The following SPATA13 variants were observed in gnomAD, a reference collection of about 807,000 sequenced individuals.
SPATA13 encodes the protein spermatogenesis-associated protein 13.
Under a neutral mutation model 104.0 loss-of-function variants are expected in SPATA13, and 50 were observed. That is an observed-to-expected ratio of 0.48 (90% CI 0.38 to 0.61). SPATA13 has a LOEUF of 0.61. Among genes scored for constraint, SPATA13 ranks in the 20% least tolerant of loss-of-function variants. The pLI is 0.00. For synonymous variants in SPATA13, 606 were observed against 667.5 expected, an observed-to-expected ratio of 0.91 and a Z score of 1.42; for missense variants, 1,524 against 1,690.6, an observed-to-expected ratio of 0.90 and a Z score of 1.73.
chr13:24,293,262 C>CA (rs1566199190), intron 9 of SPATA13, among the ~76,000 whole-genome samples: 1 of 148,614 alleles, frequency 6.7e-6, no homozygotes, highest in Non-Finnish European at 1.5e-5. Context: ...AAGAGAGCCA[C>CA]AAAATTGAAG....
chr13:24,268,848 G>T (rs1874413786), intron 4 of SPATA13, among the ~76,000 whole-genome samples: 1 of 152,186 alleles, frequency 6.6e-6, no homozygotes, highest in Admixed American at 6.5e-5. Flanking sequence ...CACTTGTAGT[G>T]CGGGTTACTA....
intron 3 of SPATA13, among the ~76,000 whole-genome samples, chr13:24,092,808 G>A (rs79102548): frequency 1.3e-5 from 2 of 152,338 alleles, no homozygotes; most frequent in South Asian, 4.1e-4. Flanking sequence ...GCATCTGTAT[G>A]TGGAGCTTTT....
Position 24,207,579 on chromosome 13 carries a change from C to G in SPATA13, c.-111-15240C>G, listed in dbSNP as rs780437527. Among the ~76,000 whole-genome samples the G allele has an allele frequency of 3.9e-5, 6 of 152,202 alleles. No individual in the cohort carries two copies. In the South Asian group the frequency reaches 1.2e-3, roughly 32 times the overall value. On this transcript the variant is annotated intron_variant, in intron 1 of 12. Coordinates refer to ENST00000382108, the MANE Select transcript of SPATA13 (RefSeq NM_001166271.3). ...CCGGGTTCGTTTCTCCACATCCCTA[C>G]CAGCACTTGTTATTTTCTGTTTTTT... is the stretch of plus-strand genomic sequence containing the variant.
At chr13:24,072,812 C>A (rs2137768029) in intron 3 of SPATA13, among the ~76,000 whole-genome samples, 1 of 127,914 alleles carries the variant, frequency 7.8e-6, no homozygotes, top group East Asian at 2.3e-4. Flanking sequence ...TCCTCAGTGT[C>A]TACTGTTGGC....
intron 3 of SPATA13, chr13:24,122,775 A>G (rs1398333145): frequency 2.5e-6 from 2 of 790,648 alleles, no homozygotes; most frequent in Admixed American, 3.4e-5. Context: ...TACAAGGGGA[A>G]GTAGCTGCCA....
intron 3 of SPATA13, among the ~76,000 whole-genome samples, chr13:24,043,773 C>T (rs1408570781): frequency 6.6e-6 from 1 of 152,084 alleles, no homozygotes; most frequent in Non-Finnish European, 1.5e-5. Context: ...CATGTTTTCC[C>T]GATTCTGTGC....
chr13:24,197,903 T>G (rs1870158249), intron 1 of SPATA13, among the ~76,000 whole-genome samples: 1 of 152,120 alleles, frequency 6.6e-6, no homozygotes, highest in African/African-American at 2.4e-5. Context: ...TAGGATGAAG[T>G]CCCCCAAGAA....
intron 2 of SPATA13, among the ~76,000 whole-genome samples, chr13:23,989,669 A>C: frequency 6.6e-6 from 1 of 151,568 alleles, no homozygotes; most frequent in South Asian, 2.1e-4. Flanking sequence ...ATACCTATCT[A>C]CTCTTTTCTG....
intron 2 of SPATA13, among the ~76,000 whole-genome samples, chr13:24,004,632 C>T (rs1876138007): frequency 6.6e-6 from 1 of 152,122 alleles, no homozygotes; most frequent in Non-Finnish European, 1.5e-5. Context: ...CCCAGGAAGA[C>T]GCAGGTGTGG....
intron 4 of SPATA13, among the ~76,000 whole-genome samples, chr13:24,259,238 G>C (rs1873942230): frequency 6.6e-6 from 1 of 152,232 alleles, no homozygotes. Context: ...GGCTCTTCTT[G>C]TGAACAGATC....
intron 1 of SPATA13, among the ~76,000 whole-genome samples, chr13:24,197,897 A>T (rs1166750822): frequency 2.6e-5 from 4 of 152,070 alleles, no homozygotes; most frequent in Admixed American, 6.6e-5. Flanking sequence ...TTCTCCTAGG[A>T]TGAAGTCCCC....
chr13:24,159,818 G>A (rs1292476908), upstream of SPATA13, among the ~76,000 whole-genome samples: 2 of 152,024 alleles, frequency 1.3e-5, no homozygotes, highest in African/African-American at 2.4e-5. Context: ...AAAGACAATA[G>A]ACATTTATAA....
chr13:24,045,511 A>G (rs1262359734), intron 3 of SPATA13, among the ~76,000 whole-genome samples: 1 of 152,232 alleles, frequency 6.6e-6, no homozygotes, highest in African/African-American at 2.4e-5. Context: ...GTCACATAAT[A>G]CACGTTTTTT....
Position 24,103,504 on chromosome 13 carries a change from A to AAAAAAAAAAAAG in SPATA13, c.-112+85804_-112+85805insAAAAAAAAAAGA, listed in dbSNP as rs1458068316. Among the ~76,000 whole-genome samples the AAAAAAAAAAAAG allele has an allele frequency of 4.3e-4, 50 of 115,598 alleles. 1 individual carries two copies. The highest frequency in any genetic ancestry group is 5.5e-4 in the Non-Finnish European group (31 of 55,956). The allele number at this position is 115,598 out of a possible 152,430, so 75.8% of individuals were successfully genotyped here. On this transcript the variant is annotated intron_variant, in intron 3 of 14. Transcript: ENST00000424834. ...TGTCTCAAAAAAAAAAAAAAAAAAC[A>AAAAAAAAAAAAG]AGAAAGAAAAGAGCAGGGGAGGAGA...
At chr13:23,991,272 T>A (rs1389293474) in intron 2 of SPATA13, among the ~76,000 whole-genome samples, 1 of 152,202 alleles carries the variant, frequency 6.6e-6, no homozygotes, top group Non-Finnish European at 1.5e-5. Context: ...CGTGTCCCTC[T>A]CTGAGATGTA....
In SPATA13 at chr13:24,302,635, C is replaced by T. The variant is rs754662791; in HGVS notation, c.3696C>T (p.Gly1232=). The T allele has an allele frequency of 6.2e-6, 10 of 1,613,324 alleles. No individual in the cohort carries two copies. The East Asian group carries it at 2.2e-4, about 36-fold the overall frequency. The stretch of plus-strand genomic sequence containing the variant: ...GCCCTGTGGCCCCACCGCACCAGGG[C>T]CTGCACCCCATCCACCAGCGCCACA... The part of the protein sequence containing the change: ...NRCPVAPPHQ[G]LHPIHQRHIT... The change falls in exon 13 of 13, where the codon GGC becomes GGT. Residue 1232 remains glycine, a synonymous_variant. Coordinates refer to ENST00000382108, the MANE Select transcript of SPATA13 (RefSeq NM_001166271.3).
chr13:24,041,262 G>T (rs979520320), intron 3 of SPATA13, among the ~76,000 whole-genome samples: 5 of 152,192 alleles, frequency 3.3e-5, no homozygotes, highest in Non-Finnish European at 5.9e-5. Flanking sequence ...CAATTTAATT[G>T]TTATATAAGT....
In SPATA13 at chr13:24,051,457, ACATCCTTG is replaced by A. The variant is rs960675430; in HGVS notation, c.-112+33759_-112+33766del. Among the ~76,000 whole-genome samples the A allele has an allele frequency of 7.3e-4, 111 of 152,284 alleles. No homozygotes were observed. Among genetic ancestry groups the A allele is most frequent in the African/African-American group, 2.5e-3 (105 of 41,578 alleles). ...GCCAGGCTCTCGCCTCCAGTTTCAC[ACATCCTTG>A]CACCTGCCTGGGCGATGGCACTTGG... On this transcript the variant is annotated intron_variant, in intron 3 of 14. Coordinates refer to the SPATA13 transcript ENST00000424834. This position sits in a 1 kb window ranked among gnomAD's most constrained non-coding sequence, Gnocchi z 4.2.
Position 24,099,045 on chromosome 13 carries a change from G to A in SPATA13, c.-112+81344G>A, listed in dbSNP as rs7987799. Among the ~76,000 whole-genome samples the A allele has an allele frequency of 6.3e-3, 962 of 152,130 alleles. 9 individuals carry two copies. The highest frequency in any genetic ancestry group is 0.021 in the African/African-American group (891 of 41,504). ...GGCTGCAGTGAGCTATGATCATACC[G>A]CTTCACTCCTGCCTAGGTGACAGAG... On this transcript the variant is annotated intron_variant, in intron 3 of 14. Transcript: ENST00000424834.
Sources: allele counts gnomAD v4.1 joint callset (sites outside exome capture counted in the v4.1 genomes callset), GRCh38; gene constraint gnomAD v4.1.1; non-coding constraint Gnocchi (gnomAD v3.1); transcripts MANE v1.5; gene names NCBI Gene and HGNC (gene_info 2026-07-23, HGNC 2026-07-21).